RIMBP2: variants seen among roughly 807,000 people sequenced by gnomAD.
RIMBP2 encodes the protein RIMS binding protein 2, also known as RIMS-binding protein 2.
RIMBP2 carries 48 observed loss-of-function variants against 118.6 expected under a neutral mutation model. The observed-to-expected ratio is 0.40, with a 90% CI of 0.32 to 0.51. RIMBP2 has a LOEUF of 0.51. Among genes scored for constraint, RIMBP2 ranks in the 20% least tolerant of loss-of-function variants. RIMBP2 has a pLI of 0.41. For synonymous variants in RIMBP2, 762 were observed against 742.9 expected, an observed-to-expected ratio of 1.03 and a Z score of -0.42; for missense variants, 1,551 against 1,768.3, an observed-to-expected ratio of 0.88 and a Z score of 2.20.
At chr12:130,674,610 T>A (rs564101759) in intron 1 of RIMBP2, among the ~76,000 whole-genome samples, 53 of 152,310 alleles carry the variant, frequency 3.5e-4, no homozygotes, top group African/African-American at 1.2e-3. Flanking sequence ...TATTTTAAAA[T>A]TAGGGTGAAA....
chr12:130,476,844 G>A (rs1206047023), intron 5 of RIMBP2, among the ~76,000 whole-genome samples: 11 of 152,082 alleles, frequency 7.2e-5, no homozygotes, highest in Admixed American at 5.9e-4. Context: ...TCCTGCTTCT[G>A]GAACAGCAGC....
intron 2 of RIMBP2, among the ~76,000 whole-genome samples, chr12:130,567,485 C>G (rs867662881): frequency 6.6e-6 from 1 of 152,206 alleles, no homozygotes; most frequent in Non-Finnish European, 1.5e-5. Flanking sequence ...TGGAACCCAC[C>G]CTTCTATCCC....
intron 6 of RIMBP2, among the ~76,000 whole-genome samples, chr12:130,459,874 G>A (rs1026532400): frequency 6.6e-6 from 1 of 152,206 alleles, no homozygotes; most frequent in African/African-American, 2.4e-5. Flanking sequence ...CCACGCCTGT[G>A]TCCTATGGGG....
Position 130,656,157 on chromosome 12 carries a change from C to T in RIMBP2, c.-351-27701G>A, listed in dbSNP as rs181582608. On this transcript the variant is annotated intron_variant, in intron 1 of 22. Coordinates refer to ENST00000690449, the MANE Select transcript of RIMBP2 (RefSeq NM_001393629.1). ...GTGTGGGCCCCGGGAGGGCCAGGAG[C>T]GAGAGAGCGAGCCTCGGTTTGTCTA... 7.9e-5 allele frequency among the ~76,000 whole-genome samples: 12 copies of T among 152,220 alleles called. No individual in the cohort carries two copies. In the East Asian group the frequency reaches 1.2e-3, roughly 15 times the overall value.
intron 4 of RIMBP2, among the ~76,000 whole-genome samples, chr12:130,501,505 G>A (rs1011603167): frequency 6.6e-5 from 10 of 152,184 alleles, no homozygotes; most frequent in South Asian, 2.1e-4. Flanking sequence ...CCCATGAGAC[G>A]CACCGCAGTG....
At chr12:130,465,706 T>G (rs1490888465) in intron 6 of RIMBP2, 2 of 152,186 alleles carry the variant, frequency 1.3e-5, no homozygotes, top group African/African-American at 4.8e-5. Flanking sequence ...CTCAAGAGCC[T>G]GGGGTAAAGC....
At chr12:130,664,008 C>A (rs751873485) in intron 1 of RIMBP2, among the ~76,000 whole-genome samples, 1 of 135,098 alleles carries the variant, frequency 7.4e-6, no homozygotes, top group African/African-American at 2.7e-5. Flanking sequence ...GAGCAATTTC[C>A]AGGCTATATT....
At chr12:130,669,456 G>A (rs935321177) in intron 1 of RIMBP2, among the ~76,000 whole-genome samples, 3 of 152,084 alleles carry the variant, frequency 2.0e-5, no homozygotes, top group Non-Finnish European at 4.4e-5. Context: ...ATTGCACCAC[G>A]GGGCGGTTTC....
In RIMBP2 at chr12:130,621,402, CAG is replaced by C. The variant is rs2061305622; in HGVS notation, c.-217+6918_-217+6919del. 6.6e-6 allele frequency among the ~76,000 whole-genome samples: 1 copy of C among 152,188 alleles called. No individual in the cohort carries two copies. On this transcript the variant is annotated intron_variant, in intron 2 of 22. Transcript: ENST00000690449. This position sits in a 1 kb window ranked among gnomAD's most constrained non-coding sequence, Gnocchi z 6.6. ...CTCTGATTAAAGACTGACGCCAACA[CAG>C]AGGAAAAGGATGGAGATTCCCAAAA...
Position 130,397,439 on chromosome 12 carries a change from C to T in RIMBP2, c.4011G>A (p.Arg1337=), listed in dbSNP as rs2074146859. ...CCTTTTTCTTTTTCGAGGACATTTC[C>T]CTGCCTCTCCCAGGACTACCAGAAC... ...SMGSGSPGRG[R]EMSSKKKKGL... is the part of the protein sequence containing the mutation. The change falls in exon 23 of 23, where the codon AGG becomes AGA. Residue 1337 remains arginine (R), a synonymous_variant. Transcript: ENST00000690449. 1 of 398,860 alleles carries T rather than the reference C, an allele frequency of 2.5e-6. No individual in the cohort carries two copies. Among genetic ancestry groups the T allele is most frequent in the East Asian group, 3.6e-5 (1 of 28,096 alleles). The allele number at this position is 398,860 out of a possible 1,614,324, so 24.7% of individuals were successfully genotyped here.
intron 5 of RIMBP2, among the ~76,000 whole-genome samples, chr12:130,473,044 T>C (rs2081136584): frequency 6.6e-6 from 1 of 152,196 alleles, no homozygotes. Flanking sequence ...CAAAGATAGT[T>C]TTCAACTGGC....
intron 1 of RIMBP2, among the ~76,000 whole-genome samples, chr12:130,705,474 T>G (rs905723989): frequency 6.6e-6 from 1 of 152,200 alleles, no homozygotes; most frequent in Non-Finnish European, 1.5e-5. Flanking sequence ...AGAAGCCTCC[T>G]GGGGGAGAGG....
Position 130,397,111 on chromosome 12 carries a change from T to C in RIMBP2, c.*250A>G, listed in dbSNP as rs1434963511. On this transcript the variant is annotated 3_prime_UTR_variant, in exon 23 of 23. Transcript: ENST00000690449. ...ATAGCTATGCGCCCCCGTTTGTTAA[T>C]AAGACGTCCCCTCCCACCTCCCAAA... The C allele has an allele frequency of 2.4e-5, 7 of 288,376 alleles. No individual in the cohort carries two copies. The highest frequency in any genetic ancestry group is 4.5e-5 in the Non-Finnish European group (7 of 156,722). The allele number at this position is 288,376 out of a possible 1,614,324, so 17.9% of individuals were successfully genotyped here.
intron 1 of RIMBP2, chr12:130,667,285 G>A (rs537196946): frequency 6.6e-6 from 1 of 152,324 alleles, no homozygotes; most frequent in East Asian, 1.9e-4. Flanking sequence ...CAACATCCCT[G>A]TCTTTCAGGG....
At chr12:130,462,994 G>C (rs2080142298) in intron 6 of RIMBP2, among the ~76,000 whole-genome samples, 1 of 152,192 alleles carries the variant, frequency 6.6e-6, no homozygotes, top group African/African-American at 2.4e-5. Context: ...CTTTCCTTTA[G>C]GCTCCTCGCC....
chr12:130,428,270 A>G lies in RIMBP2; in HGVS notation c.2321T>C (p.Met774Thr). The G allele has an allele frequency of 1.2e-6, 2 of 1,613,442 alleles. No individual in the cohort carries two copies. The highest frequency in any genetic ancestry group is 2.2e-5 in the East Asian group (1 of 44,842). The change falls in exon 15 of 23, where the codon ATG (methionine) becomes ACG (threonine). Residue 774 changes from methionine (M) to threonine (T), a missense_variant. Around this residue, in one of 5 missense-constraint regions of RIMBP2, gnomAD observed 1,038 missense variants for 1,125.1 expected, o/e 0.92. Coordinates refer to ENST00000690449, the MANE Select transcript of RIMBP2 (RefSeq NM_001393629.1). ...ATACAGCTCCTCCTCGTCCTCCTCC[A>G]TGATGTCTGAGAGGTCAGACCCCCG... ...SSRGSDLSDIMEEDEEELYSE... is the reference protein window; with the variant it reads ...SSRGSDLSDITEEDEEELYSE...
At chr12:130,704,030 C>G (rs78614195) in intron 1 of RIMBP2, among the ~76,000 whole-genome samples, 1 of 152,070 alleles carries the variant, frequency 6.6e-6, no homozygotes, top group Non-Finnish European at 1.5e-5. Context: ...AGCTATAAAT[C>G]GGAGCCCCAT....
intron 2 of RIMBP2, among the ~76,000 whole-genome samples, chr12:130,584,566 TCATCACCACCATTA>T (rs541237997): frequency 2.3e-4 from 34 of 150,058 alleles, no homozygotes; most frequent in Middle Eastern, 3.6e-3. Context: ...CACCATCACC[TCATCACCACCATTA>T]CATCACCACC....
chr12:130,677,204 G>A (rs926395152), intron 1 of RIMBP2, among the ~76,000 whole-genome samples: 2 of 152,098 alleles, frequency 1.3e-5, no homozygotes, highest in Non-Finnish European at 2.9e-5. Context: ...GAGCATGGCA[G>A]CCCCCTACAA....
Sources: allele counts gnomAD v4.1 joint callset (sites outside exome capture counted in the v4.1 genomes callset), GRCh38; gene constraint gnomAD v4.1.1; regional missense constraint gnomAD v4.1.1; non-coding constraint Gnocchi (gnomAD v3.1); transcripts MANE v1.5; gene names NCBI Gene and HGNC (gene_info 2026-07-23, HGNC 2026-07-21).